Variants in PPP1R12A observed in about 807,000 individuals in gnomAD.
PPP1R12A encodes the protein protein phosphatase 1 regulatory subunit 12A.
PPP1R12A carries 19 observed loss-of-function variants against 139.6 expected under a neutral mutation model. The ratio of observed to expected loss-of-function variants is 0.14; its 90% CI spans 0.09 to 0.20. The LOEUF (loss-of-function observed/expected upper bound fraction) is 0.20, where lower values mean the gene tolerates loss of function less well. Among genes scored for constraint, PPP1R12A ranks in the 10% least tolerant of loss-of-function variants. The pLI, the probability that PPP1R12A is intolerant of heterozygous loss-of-function variation, is 1.00. For missense variants in PPP1R12A, 925 were observed against 1,211.5 expected, an observed-to-expected ratio of 0.76 and a Z score of 3.51; for synonymous variants, 427 against 420.6, an observed-to-expected ratio of 1.02 and a Z score of -0.19.
intron 1 of PPP1R12A, among the ~76,000 whole-genome samples, chr12:79,915,332 A>G (rs1031395555): frequency 2.0e-5 from 3 of 152,170 alleles, no homozygotes; most frequent in Non-Finnish European, 4.4e-5. Context: ...CTGTAGAACT[A>G]ACTTTGTTAT....
chr12:79,893,806 A>G (rs1333772518), intron 1 of PPP1R12A, among the ~76,000 whole-genome samples: 1 of 152,232 alleles, frequency 6.6e-6, no homozygotes, highest in East Asian at 1.9e-4. Context: ...AAATGTATAA[A>G]TAAGTGATAC....
At chr12:79,853,907 T>C (rs1057072961) in intron 2 of PPP1R12A, among the ~76,000 whole-genome samples, 4 of 152,226 alleles carry the variant, frequency 2.6e-5, no homozygotes, top group African/African-American at 9.6e-5. Flanking sequence ...CTTTGTATAA[T>C]TGATGTTGGC....
chr12:79,797,738 C>T (rs190519065), intron 15 of PPP1R12A, among the ~76,000 whole-genome samples: 12 of 152,118 alleles, frequency 7.9e-5, no homozygotes, highest in African/African-American at 2.7e-4. Context: ...TCTATATACA[C>T]ATGCATGATG....
chr12:79,859,518 A>C (rs923066678), intron 2 of PPP1R12A, among the ~76,000 whole-genome samples: 7 of 152,160 alleles, frequency 4.6e-5, no homozygotes, highest in African/African-American at 1.7e-4. Flanking sequence ...CCAAGCCATA[A>C]GTAAGTCGCC....
chr12:79,820,188 A>G (rs1436380157), intron 8 of PPP1R12A, among the ~76,000 whole-genome samples: 1 of 152,212 alleles, frequency 6.6e-6, no homozygotes, highest in Non-Finnish European at 1.5e-5. Context: ...GTGGGTGACC[A>G]AAAAAGACAT....
chr12:79,819,315 T>G (rs1329488199), intron 8 of PPP1R12A: 1 of 152,220 alleles, frequency 6.6e-6, no homozygotes, highest in African/African-American at 2.4e-5. Context: ...AGCAGAAGAT[T>G]TGCTGGTTAG....
chr12:79,909,074 T>G (rs1886350162), intron 1 of PPP1R12A, among the ~76,000 whole-genome samples: 1 of 152,086 alleles, frequency 6.6e-6, no homozygotes, highest in Non-Finnish European at 1.5e-5. Context: ...ATTCAAGTAG[T>G]CCAGAGGCAC....
At chr12:79,904,984 A>T (rs990269146) in intron 1 of PPP1R12A, among the ~76,000 whole-genome samples, 2 of 152,222 alleles carry the variant, frequency 1.3e-5, no homozygotes, top group Non-Finnish European at 2.9e-5. Context: ...AAAACCTAAA[A>T]TAGTGAAATT....
At chr12:79,789,411 T>C (rs34168311) in intron 20 of PPP1R12A, among the ~76,000 whole-genome samples, 145 of 152,344 alleles carry the variant, frequency 9.5e-4, no homozygotes, top group African/African-American at 3.4e-3. Flanking sequence ...TATAGTTTAA[T>C]TGGTAGCACC....
chr12:79,803,818 C>T (rs779218804), intron 14 of PPP1R12A, among the ~76,000 whole-genome samples: 22 of 152,030 alleles, frequency 1.4e-4, no homozygotes, highest in African/African-American at 5.1e-4. Context: ...TATATCCAAG[C>T]GTTTAATTTT....
chr12:79,893,082 C>T (rs528586402), intron 1 of PPP1R12A, among the ~76,000 whole-genome samples: 4 of 145,858 alleles, frequency 2.7e-5, no homozygotes, highest in East Asian at 2.0e-4. Context: ...CCAGCCTGGG[C>T]GACAAAAGCA....
At chr12:79,822,225 A>G in intron 5 of PPP1R12A, 35 bp from the exon 6 acceptor site, 1 of 1,402,050 alleles carries the variant, frequency 7.1e-7, no homozygotes, top group Non-Finnish European at 9.9e-7. Flanking sequence ...GTGATGGTCA[A>G]AAGTCAATAA....
chr12:79,935,003 G>A lies in PPP1R12A; in HGVS notation c.-72C>T, dbSNP rs1006021666. On this transcript the variant is annotated 5_prime_UTR_variant, in exon 1 of 25. Coordinates refer to ENST00000450142, the MANE Select transcript of PPP1R12A (RefSeq NM_002480.3). ...GAGGCGGAGAGGGAAGAGAGGGGAG[G>A]CAGGGGGTGTGTGAATGTTTCTATG... 2.0e-6 allele frequency: 3 copies of A among 1,492,704 alleles called. No individual in the cohort carries two copies. The highest frequency in any genetic ancestry group is 2.7e-6 in the Non-Finnish European group (3 of 1,118,924). The allele number at this position is 1,492,704 out of a possible 1,614,324, so 92.5% of individuals were successfully genotyped here.
intron 2 of PPP1R12A, among the ~76,000 whole-genome samples, chr12:79,848,613 T>C (rs1879681453): frequency 6.6e-6 from 1 of 152,078 alleles, no homozygotes; most frequent in South Asian, 2.1e-4. Context: ...CCCAAAGCAA[T>C]CCTTGAGCCA....
chr12:79,863,075 T>C (rs1046586088), intron 2 of PPP1R12A, among the ~76,000 whole-genome samples: 1 of 152,134 alleles, frequency 6.6e-6, no homozygotes, highest in Non-Finnish European at 1.5e-5. Context: ...AGAGAAAGGC[T>C]GGGTTACCCA....
At chr12:79,792,488 TTA>T (rs1365947039) in intron 19 of PPP1R12A, among the ~76,000 whole-genome samples, 1 of 152,182 alleles carries the variant, frequency 6.6e-6, no homozygotes, top group Non-Finnish European at 1.5e-5. Context: ...TTATATTTAT[TTA>T]TATGTTATTC....
chr12:79,821,237 A>C (rs1876056754), intron 6 of PPP1R12A, 71 bp from the exon 7 acceptor site: 1 of 1,067,824 alleles, frequency 9.4e-7, no homozygotes, highest in Non-Finnish European at 1.4e-6. Flanking sequence ...CAGAGTTTAA[A>C]ATAATAACAA....
At position 79,821,061 on chromosome 12, in the gene PPP1R12A, T is replaced by C. The variant is rs764527967; in HGVS notation, c.956+17A>G. 52 of 1,600,958 alleles carry C rather than the reference T, an allele frequency of 3.2e-5. No individual in the cohort carries two copies. Among genetic ancestry groups the C allele is most frequent in the Non-Finnish European group, 4.4e-5 (51 of 1,169,146 alleles). ...TCATTAACAAAAATAACAAATGTAC[T>C]TGAATATTTTACTCACTTTTTAAAG... On this transcript the variant is annotated intron_variant, in intron 7 of 24. Transcript: ENST00000450142.
At chr12:79,854,508 T>C (rs1880401364) in intron 2 of PPP1R12A, among the ~76,000 whole-genome samples, 1 of 152,170 alleles carries the variant, frequency 6.6e-6, no homozygotes, top group Non-Finnish European at 1.5e-5. Flanking sequence ...AATGGTATCA[T>C]TTTCCCAATG....
Sources: allele counts gnomAD v4.1 joint callset (sites outside exome capture counted in the v4.1 genomes callset), GRCh38; gene constraint gnomAD v4.1.1; transcripts MANE v1.5; gene names NCBI Gene and HGNC (gene_info 2026-07-23, HGNC 2026-07-21).